Variants in TMA16 observed in about 807,000 individuals in gnomAD.
The protein encoded by TMA16 is translation machinery-associated protein 16.
Under a neutral mutation model 27.1 loss-of-function variants are expected in TMA16, and 26 were observed. The ratio of observed to expected loss-of-function variants is 0.96; its 90% confidence interval spans 0.70 to 1.33. The LOEUF (loss-of-function observed/expected upper bound fraction) is 1.33. TMA16 is among the 40% of genes most tolerant of loss of function. TMA16 has a pLI of 0.00. For missense variants in TMA16, 233 were observed against 241.4 expected, an observed-to-expected ratio of 0.97 and a Z score of 0.23; for synonymous variants, 71 against 81.9, an observed-to-expected ratio of 0.87 and a Z score of 0.72.
At chr4:163,502,643 TG>T (rs1737663895) in intron 1 of TMA16, among the ~76,000 whole-genome samples, 1 of 152,020 alleles carries the variant, frequency 6.6e-6, no homozygotes, top group South Asian at 2.1e-4. Context: ...GAAGATTGGG[TG>T]GGGTTTAGAA....
At chr4:163,502,268 G>A (rs1019126323) in intron 1 of TMA16, among the ~76,000 whole-genome samples, 1 of 152,090 alleles carries the variant, frequency 6.6e-6, no homozygotes, top group African/African-American at 2.4e-5. Context: ...ACCATCATGA[G>A]CTATTTTATA....
chr4:163,518,392 A>G (rs1276476474), intron 6 of TMA16, among the ~76,000 whole-genome samples: 1 of 152,242 alleles, frequency 6.6e-6, no homozygotes, highest in African/African-American at 2.4e-5. Flanking sequence ...AATGGGACCT[A>G]ATTTCTGCAC....
intron 2 of TMA16, among the ~76,000 whole-genome samples, chr4:163,509,235 A>T (rs1261458825): frequency 6.6e-6 from 1 of 152,186 alleles, no homozygotes. Context: ...AGGCACGTTG[A>T]AACGCTGCTG....
At chr4:163,505,381 A>G (rs1366754292) in intron 1 of TMA16, among the ~76,000 whole-genome samples, 2 of 152,216 alleles carry the variant, frequency 1.3e-5, no homozygotes, top group African/African-American at 4.8e-5. Context: ...TCAGATGTGG[A>G]TATATCTTCT....
At chr4:163,513,407 T>C (rs1737824468) in intron 3 of TMA16, among the ~76,000 whole-genome samples, 1 of 152,174 alleles carries the variant, frequency 6.6e-6, no homozygotes, top group Non-Finnish European at 1.5e-5. Context: ...TTAAATGGGA[T>C]CTCATTGTAC....
chr4:163,505,989 A>G (rs1378880154), intron 1 of TMA16, among the ~76,000 whole-genome samples: 1 of 152,200 alleles, frequency 6.6e-6, no homozygotes, highest in Non-Finnish European at 1.5e-5. Context: ...CTGTTTTTCT[A>G]TATGAATGGA....
In TMA16 at chr4:163,519,523, A is replaced by G. The variant is rs746967151; in HGVS notation, c.*9A>G. On this transcript the variant is annotated 3_prime_UTR_variant, in exon 7 of 7. Coordinates refer to ENST00000358572, the MANE Select transcript of TMA16 (RefSeq NM_018352.3). ...TGACTGCAGTGGCCTAATTGTCTTC[A>G]CTTGAATTGAAAATAAATAATTTGA... 6.5e-7 allele frequency: 1 copy of G among 1,548,738 alleles called. No individual in the cohort carries two copies.
At chr4:163,514,656 C>T (rs537819080) in intron 4 of TMA16, among the ~76,000 whole-genome samples, 2 of 152,122 alleles carry the variant, frequency 1.3e-5, no homozygotes, top group Admixed American at 6.5e-5. Flanking sequence ...CCACAGGAGG[C>T]TTTTACAGCA....
chr4:163,502,899 T>C (rs752602615), intron 1 of TMA16, among the ~76,000 whole-genome samples: 23 of 152,188 alleles, frequency 1.5e-4, no homozygotes, highest in Non-Finnish European at 1.6e-4. Context: ...TTTACCGTCA[T>C]TCACGGCATA....
rs915088510 is a variant in TMA16 at position 163,509,388 on chromosome 4, C to T, written c.116+2243C>T. The stretch of plus-strand genomic sequence containing the variant: ...GCTTCTTAGAAATGAATAGCAGTTA[C>T]CAGATGTTGTTTTAGTAACTGTTGC... On this transcript the variant is annotated intron_variant, in intron 2 of 6. Transcript: ENST00000358572. Among the ~76,000 whole-genome samples, 70 of 152,174 alleles carry T rather than the reference C, an allele frequency of 4.6e-4. 1 individual carries two copies. The highest frequency in any genetic ancestry group is 4.0e-3 in the Admixed American group (61 of 15,260).
intron 2 of TMA16, among the ~76,000 whole-genome samples, chr4:163,508,970 G>A (rs1369348798): frequency 2.0e-5 from 3 of 152,166 alleles, no homozygotes; most frequent in Non-Finnish European, 4.4e-5. Flanking sequence ...GTAATGCAGA[G>A]TAGAAAGCAC....
chr4:163,494,918 A>C, intron 1 of TMA16, 114 bp downstream of exon 1: 2 of 1,487,246 alleles, frequency 1.3e-6, no homozygotes, highest in Non-Finnish European at 1.8e-6. Flanking sequence ...GAGGATGCAA[A>C]GTGTTTATTT....
At chr4:163,515,117 C>T (rs1049660809) in intron 4 of TMA16, among the ~76,000 whole-genome samples, 196 bp from the exon 5 acceptor site, 8 of 151,816 alleles carry the variant, frequency 5.3e-5, no homozygotes, top group Admixed American at 1.3e-4. Context: ...TAGAAGGCTG[C>T]GATTTGGTCA....
chr4:163,513,684 T>C (rs1407423306), intron 3 of TMA16, among the ~76,000 whole-genome samples: 1 of 152,234 alleles, frequency 6.6e-6, no homozygotes, highest in Admixed American at 6.5e-5. Context: ...ACATAGTGCC[T>C]ACAGCTTATT....
intron 1 of TMA16, among the ~76,000 whole-genome samples, chr4:163,496,981 T>C (rs1737562782): frequency 6.6e-6 from 1 of 152,222 alleles, no homozygotes; most frequent in Non-Finnish European, 1.5e-5. Context: ...GTATGGCTCA[T>C]ACAATACTAC....
At position 163,512,887 on chromosome 4, in the gene TMA16, T is replaced by C. The variant is rs774164470; in HGVS notation, c.154+28T>C. ...AAGTGGGTTTACTTATTTGAAACTC[T>C]GGCTAGAGTATAGGGCATTTCTGCC... On this transcript the variant is annotated intron_variant, in intron 3 of 6. Transcript: ENST00000358572. 16 of 1,591,958 alleles carry C rather than the reference T, an allele frequency of 1.0e-5. No homozygotes were observed. In the South Asian group the frequency reaches 1.8e-4, roughly 18 times the overall value.
intron 5 of TMA16, chr4:163,515,957 C>T (rs1197960047): frequency 1.3e-5 from 2 of 155,048 alleles, no homozygotes; most frequent in Non-Finnish European, 2.9e-5. Context: ...AGTCCACATC[C>T]AACCCGTCAG....
At chr4:163,494,959 C>T (rs940342621) in intron 1 of TMA16, 155 bp downstream of exon 1, 2 of 1,109,544 alleles carry the variant, frequency 1.8e-6, no homozygotes, top group Non-Finnish European at 2.6e-6. Context: ...GGGGCGAAGC[C>T]TCTGGGAGGC....
intron 2 of TMA16, among the ~76,000 whole-genome samples, chr4:163,507,674 G>A (rs1313045457): frequency 2.6e-5 from 4 of 152,046 alleles, no homozygotes; most frequent in Non-Finnish European, 5.9e-5. Flanking sequence ...AGGAGTAACT[G>A]TTGACAGGAA....
Sources: allele counts gnomAD v4.1 joint callset (sites outside exome capture counted in the v4.1 genomes callset), GRCh38; gene constraint gnomAD v4.1.1; transcripts MANE v1.5; gene names NCBI Gene and HGNC (gene_info 2026-07-23, HGNC 2026-07-21).